EXT2: variants seen among roughly 807,000 people sequenced by gnomAD.
EXT2 encodes the protein exostosin glycosyltransferase 2.
In EXT2, 53 loss-of-function variants were observed where a neutral mutation model predicts 81.6. The observed-to-expected ratio is 0.65, with a 90% CI of 0.52 to 0.82. The LOEUF (loss-of-function observed/expected upper bound fraction) is 0.82. Ranked by LOEUF, EXT2 falls within the 40% of genes least tolerant of loss-of-function variation. The pLI is 0.00. For missense variants in EXT2, 774 were observed against 910.2 expected (o/e 0.85, Z 1.93); for synonymous variants, 320 against 340.0 (o/e 0.94, Z 0.65).
chr11:44,108,255 C>G lies in EXT2; in HGVS notation c.536+7C>G, dbSNP rs755324495. On this transcript the variant is annotated splice_region_variant and intron_variant, in intron 2 of 13. Transcript: ENST00000533608. Reference sequence around the variant, plus strand: ...CGATGGCCCAGCTCTCTAGGTATCTCACACTCATACAGCCCAGCCCCCAGG... The same window carrying G: ...CGATGGCCCAGCTCTCTAGGTATCTGACACTCATACAGCCCAGCCCCCAGG... The G allele has an allele frequency of 6.2e-7, 1 of 1,610,576 alleles. No homozygotes were observed. Among genetic ancestry groups the G allele is most frequent in the Non-Finnish European group, 8.5e-7 (1 of 1,179,892 alleles).
intron 10 of EXT2, among the ~76,000 whole-genome samples, chr11:44,207,804 C>G (rs1955601185): frequency 6.6e-6 from 1 of 152,018 alleles, no homozygotes; most frequent in Non-Finnish European, 1.5e-5. Flanking sequence ...TATAGAAATA[C>G]ATTTTTAAAC....
Position 44,108,214 on chromosome 11 carries a change from A to G in EXT2, c.502A>G (p.Lys168Glu), listed in dbSNP as rs762533540. Residue 168 changes from lysine (K) to glutamate (E), a missense_variant, in exon 2 of 14, where the codon AAG becomes GAG. Coordinates refer to ENST00000533608, the MANE Select transcript of EXT2 (RefSeq NM_207122.2). ...DVLNQNTLRI[K>E]ETAQAMAQLS... ...GCTTAACCAGAACACACTGCGCATC[A>G]AGGAGACAGCACAAGCGATGGCCCA... The G allele has an allele frequency of 1.9e-6, 3 of 1,613,566 alleles. No homozygotes were observed. Among genetic ancestry groups the G allele is most frequent in the East Asian group, 2.2e-5 (1 of 44,882 alleles).
chr11:44,204,772 C>A (rs1163995099), intron 9 of EXT2, among the ~76,000 whole-genome samples: 1 of 152,178 alleles, frequency 6.6e-6, no homozygotes, highest in Non-Finnish European at 1.5e-5. Context: ...GTAGTTTCAT[C>A]CTAAAACCAT....
intron 8 of EXT2, among the ~76,000 whole-genome samples, chr11:44,188,397 G>T (rs1432542135): frequency 6.6e-6 from 1 of 152,094 alleles, no homozygotes; most frequent in African/African-American, 2.4e-5. Context: ...AGTAAAGAAG[G>T]AGTAAACCTG....
At chr11:44,164,066 G>A (rs548199742) in intron 7 of EXT2, among the ~76,000 whole-genome samples, 1 of 151,886 alleles carries the variant, frequency 6.6e-6, no homozygotes, top group East Asian at 1.9e-4. Context: ...TTGTGTTTCA[G>A]TTTGGATAAT....
At chr11:44,207,477 G>C (rs763666530) in intron 10 of EXT2, among the ~76,000 whole-genome samples, 1 of 152,190 alleles carries the variant, frequency 6.6e-6, no homozygotes, top group Non-Finnish European at 1.5e-5. Context: ...GGGTTCAAGG[G>C]TTAAGTATGG....
At chr11:44,221,189 A>C (rs1209263377) in intron 10 of EXT2, among the ~76,000 whole-genome samples, 1 of 152,100 alleles carries the variant, frequency 6.6e-6, no homozygotes, top group Non-Finnish European at 1.5e-5. Context: ...ATTCCAAATA[A>C]GCCCATTCCA....
Position 44,095,693 on chromosome 11 carries a change from C to G in EXT2, c.-190C>G. 1 of 153,042 alleles carries G rather than the reference C, an allele frequency of 6.5e-6. No homozygotes were observed. The highest frequency in any genetic ancestry group is 1.9e-4 in the East Asian group (1 of 5,170). The allele number at this position is 153,042 out of a possible 1,614,324, so 9.5% of individuals were successfully genotyped here. A position where few individuals can be genotyped will look rare whatever the true frequency, so the allele number is the denominator to read the frequency against. On this transcript the variant is annotated 5_prime_UTR_variant, in exon 1 of 14. Transcript: ENST00000533608. ...GCTCGGTGTCAGACGGCCCGGATCC[C>G]GGTTACCGGCCCCTCGCTCGCTGCT...
At chr11:44,169,380 G>A (rs897960713) in intron 7 of EXT2, among the ~76,000 whole-genome samples, 7 of 151,978 alleles carry the variant, frequency 4.6e-5, no homozygotes, top group African/African-American at 1.7e-4. Context: ...ATATAATAAA[G>A]CAATGATGTT....
intron 8 of EXT2, among the ~76,000 whole-genome samples, chr11:44,179,186 A>G (rs747493875): frequency 6.6e-6 from 1 of 152,196 alleles, no homozygotes; most frequent in Non-Finnish European, 1.5e-5. Flanking sequence ...GATAAAGAAT[A>G]TGAAAAGACG....
chr11:44,136,224 T>C (rs538795697), intron 7 of EXT2, among the ~76,000 whole-genome samples: 2 of 152,180 alleles, frequency 1.3e-5, no homozygotes, highest in Non-Finnish European at 2.9e-5. Flanking sequence ...TCTGTGTCAA[T>C]TTCTCCCTCC....
At chr11:44,102,115 A>G (rs1419907198) in intron 1 of EXT2, among the ~76,000 whole-genome samples, 1 of 152,204 alleles carries the variant, frequency 6.6e-6, no homozygotes, top group African/African-American at 2.4e-5. Context: ...AAGATCTTGC[A>G]ACATTCCTGC....
intron 7 of EXT2, among the ~76,000 whole-genome samples, chr11:44,135,358 C>T (rs1264632182): frequency 6.6e-6 from 1 of 150,736 alleles, no homozygotes; most frequent in South Asian, 2.1e-4. Context: ...GGGTTATCTG[C>T]TAATCTGGTA....
intron 8 of EXT2, among the ~76,000 whole-genome samples, chr11:44,189,681 G>T (rs868186411): frequency 6.6e-6 from 1 of 152,162 alleles, no homozygotes; most frequent in South Asian, 2.1e-4. Flanking sequence ...TATCCCACCA[G>T]GCCCCTCCTC....
At chr11:44,212,908 C>T (rs1407083660) in intron 10 of EXT2, among the ~76,000 whole-genome samples, 4 of 151,926 alleles carry the variant, frequency 2.6e-5, no homozygotes, top group Admixed American at 2.6e-4. Flanking sequence ...TGGGATTGAC[C>T]ACAAAAAAGC....
chr11:44,214,960 A>G (rs905721027), intron 10 of EXT2, among the ~76,000 whole-genome samples: 1 of 151,900 alleles, frequency 6.6e-6, no homozygotes, highest in Non-Finnish European at 1.5e-5. Context: ...AGCTCCTGCT[A>G]TGTTGTTGTG....
At chr11:44,196,919 G>T (rs753922948) in intron 8 of EXT2, among the ~76,000 whole-genome samples, 1 of 152,146 alleles carries the variant, frequency 6.6e-6, no homozygotes, top group African/African-American at 2.4e-5. Flanking sequence ...AGAGGGAAGC[G>T]CTGAAAAGCT....
At chr11:44,194,894 T>C (rs1192599735) in intron 8 of EXT2, among the ~76,000 whole-genome samples, 2 of 152,178 alleles carry the variant, frequency 1.3e-5, no homozygotes, top group Admixed American at 1.3e-4. Context: ...GGGATAGTGA[T>C]GGCACATAGA....
intron 8 of EXT2, among the ~76,000 whole-genome samples, chr11:44,179,356 A>T (rs1384497139): frequency 6.6e-6 from 1 of 152,226 alleles, no homozygotes; most frequent in East Asian, 1.9e-4. Flanking sequence ...CCTTAGATGC[A>T]GTCCTGCCTT....
Sources: allele counts gnomAD v4.1 joint callset (sites outside exome capture counted in the v4.1 genomes callset), GRCh38; gene constraint gnomAD v4.1.1; transcripts MANE v1.5; gene names NCBI Gene and HGNC (gene_info 2026-07-23, HGNC 2026-07-21).